Variants in TRIP11 observed in about 807,000 individuals in gnomAD.
TRIP11 encodes thyroid receptor-interacting protein 11.
TRIP11 carries 148 observed loss-of-function variants against 223.1 expected under a neutral mutation model. The ratio of observed to expected loss-of-function variants is 0.66; its 90% CI spans 0.58 to 0.76. The LOEUF is 0.76. TRIP11 is among the 30% of genes least tolerant of loss of function. The pLI, the probability that TRIP11 is intolerant of heterozygous loss-of-function variation, is 0.00. For synonymous variants in TRIP11, 762 were observed against 772.6 expected (o/e 0.99, Z 0.23); for missense variants, 2,043 against 2,222.0 (o/e 0.92, Z 1.62).
At position 92,003,487 on chromosome 14, in the gene TRIP11, C is replaced by T; in HGVS notation, c.4489G>A (p.Glu1497Lys). ...MKFSMMLREK[E>K]FECHSMKEKA... ...TCCTTCATTGAGTGGCACTCAAACT[C>T]TTTTTCTCGCAGCATCATAGAAAAC... Residue 1497 changes from glutamate to lysine, a missense_variant, in exon 11 of 21, where the codon GAG (glutamate) becomes AAG (lysine). By Grantham distance (56) the Glu-to-Lys change is moderately conservative (BLOSUM62 1). Coordinates refer to ENST00000267622, the MANE Select transcript of TRIP11 (RefSeq NM_004239.4). 6.2e-7 allele frequency: 1 copy of T among 1,614,132 alleles called. No homozygotes were observed. The highest frequency in any genetic ancestry group is 8.5e-7 in the Non-Finnish European group (1 of 1,180,018).
chr14:92,028,494 A>AG (rs2057218228), intron 2 of TRIP11, among the ~76,000 whole-genome samples: 1 of 152,174 alleles, frequency 6.6e-6, no homozygotes, highest in Admixed American at 6.5e-5. Flanking sequence ...TCAAGGCTGC[A>AG]GGGGAGCCAT....
chr14:91,971,526 GA>G (rs1042455160), intron 20 of TRIP11, among the ~76,000 whole-genome samples: 1 of 150,552 alleles, frequency 6.6e-6, no homozygotes, highest in African/African-American at 2.5e-5. Context: ...GAAAGAGGAA[GA>G]AAAGTGAGAG....
chr14:92,029,493 A>C (rs1166551374), intron 2 of TRIP11, among the ~76,000 whole-genome samples: 3 of 151,674 alleles, frequency 2.0e-5, no homozygotes, highest in Non-Finnish European at 4.4e-5. Context: ...ATGGGGTTTC[A>C]CCATGTCGGT....
chr14:92,012,925 A>G (rs1006838774), intron 7 of TRIP11, among the ~76,000 whole-genome samples: 1 of 152,224 alleles, frequency 6.6e-6, no homozygotes, highest in Non-Finnish European at 1.5e-5. Context: ...TTCTGGCTGC[A>G]GAATGAAAAA....
chr14:91,999,813 C>A (rs1281734420), intron 12 of TRIP11, among the ~76,000 whole-genome samples, 155 bp downstream of exon 12: 1 of 151,996 alleles, frequency 6.6e-6, no homozygotes, highest in Non-Finnish European at 1.5e-5. Flanking sequence ...ATAAAATGCA[C>A]CATGGGAGAT....
rs1390425436 is a variant in TRIP11, at chr14:91,969,396, T to A, written c.*277A>T. ...CCATATAGCTACTAGTATTTTTGTC[T>A]GTCTGTATTTTTGTAAATTAAGGTA... On this transcript the variant is annotated 3_prime_UTR_variant, in exon 21 of 21. Coordinates refer to ENST00000267622, the MANE Select transcript of TRIP11 (RefSeq NM_004239.4). 2 of 437,100 alleles carry A rather than the reference T, an allele frequency of 4.6e-6. No homozygotes were observed. Among genetic ancestry groups the A allele is most frequent in the East Asian group, 7.5e-5 (2 of 26,514 alleles). The allele number at this position is 437,100 out of a possible 1,614,324, so 27.1% of individuals were successfully genotyped here. A position where few individuals can be genotyped will look rare whatever the true frequency, so the allele number is the denominator to read the frequency against.
intron 9 of TRIP11, among the ~76,000 whole-genome samples, chr14:92,008,687 T>C (rs2056935501): frequency 6.6e-6 from 1 of 152,136 alleles, no homozygotes; most frequent in Non-Finnish European, 1.5e-5. Context: ...ATCAAACCCA[T>C]ATGGAATCTA....
intron 2 of TRIP11, among the ~76,000 whole-genome samples, chr14:92,029,280 A>ATTATTTTTTTT (rs2057230210): frequency 1.0e-4 from 8 of 76,798 alleles, no homozygotes; most frequent in African/African-American, 4.6e-4. Flanking sequence ...CCAAAGTATT[A>ATTATTTTTTTT]TTTTTTTTTT....
intron 15 of TRIP11, among the ~76,000 whole-genome samples, chr14:91,989,662 A>G (rs1046414799): frequency 3.3e-5 from 5 of 151,904 alleles, no homozygotes; most frequent in Non-Finnish European, 7.4e-5. Context: ...CATCCTGGAT[A>G]GGTCACAGTC....
chr14:92,006,962 C>G (rs920965164), intron 10 of TRIP11, among the ~76,000 whole-genome samples: 2 of 152,082 alleles, frequency 1.3e-5, no homozygotes, highest in African/African-American at 2.4e-5. Context: ...GCCACTGTGC[C>G]TGGCCCCATC....
In TRIP11 at chr14:92,005,781, A is replaced by G; in HGVS notation, c.2195T>C (p.Leu732Pro). 4 of 1,614,064 alleles carry G rather than the reference A, an allele frequency of 2.5e-6. No homozygotes were observed. Among genetic ancestry groups the G allele is most frequent in the Non-Finnish European group, 2.5e-6 (3 of 1,180,010 alleles). Reference protein sequence around the residue: ...EAELCWAKKRLLEEANKYEKT... With the variant: ...EAELCWAKKRPLEEANKYEKT... Reference sequence around the variant, plus strand: ...CTCATACTTGTTTGCTTCTTCCAACAGCCTCTTTTTAGCCCAACACAATTC... The same window carrying G: ...CTCATACTTGTTTGCTTCTTCCAACGGCCTCTTTTTAGCCCAACACAATTC... The change falls in exon 11 of 21, where the codon CTG becomes CCG. Residue 732 changes from leucine (L) to proline (P), a missense_variant. Transcript: ENST00000267622.
intron 20 of TRIP11, among the ~76,000 whole-genome samples, chr14:91,970,489 T>TA (rs2056388537): frequency 1.3e-5 from 2 of 152,144 alleles, no homozygotes; most frequent in East Asian, 3.8e-4. Context: ...AATACTAATT[T>TA]GTATGGCTAA....
intron 4 of TRIP11, among the ~76,000 whole-genome samples, chr14:92,018,837 C>T (rs539672894): frequency 1.1e-3 from 163 of 150,992 alleles, no homozygotes; most frequent in African/African-American, 3.7e-3. Flanking sequence ...GGCGGGTGCC[C>T]GTAGTCCCAG....
intron 11 of TRIP11, among the ~76,000 whole-genome samples, chr14:92,002,465 T>C (rs1020439458): frequency 2.6e-5 from 4 of 152,178 alleles, no homozygotes; most frequent in African/African-American, 9.7e-5. Context: ...AGGTTGTGAC[T>C]AATCAATACA....
intron 11 of TRIP11, among the ~76,000 whole-genome samples, chr14:92,001,750 C>A (rs1225085239): frequency 6.6e-6 from 1 of 152,170 alleles, no homozygotes; most frequent in Non-Finnish European, 1.5e-5. Flanking sequence ...GTACTTTATT[C>A]CTCTGTTCTA....
chr14:91,970,029 T>C (rs147575726), intron 20 of TRIP11, 136 bp from the exon 21 acceptor site: 170 of 931,782 alleles, frequency 1.8e-4, no homozygotes, highest in Admixed American at 3.1e-4. Context: ...AAATAATCAA[T>C]GTATCACTTA....
rs531466763 is a variant in TRIP11, at chr14:92,021,230, T to C, written c.588+326A>G. Among the ~76,000 whole-genome samples the C allele has an allele frequency of 9.2e-5, 14 of 151,710 alleles. No homozygotes were observed. The East Asian group carries it at 2.5e-3, about 27-fold the overall frequency. On this transcript the variant is annotated intron_variant, in intron 4 of 20. Coordinates refer to ENST00000267622, the MANE Select transcript of TRIP11 (RefSeq NM_004239.4). The stretch of plus-strand genomic sequence containing the variant: ...CAAAATGGTGAAACCCCATCTCTAC[T>C]AAAGATACAAAAACTAGGCATAGTG...
intron 20 of TRIP11, among the ~76,000 whole-genome samples, chr14:91,971,594 AGGGAAAG>A (rs2056401188): frequency 6.6e-6 from 1 of 151,866 alleles, no homozygotes; most frequent in Admixed American, 6.6e-5. Flanking sequence ...AGGGAAGAAA[AGGGAAAG>A]GAAGGGTGGG....
At chr14:92,003,347 T>C in intron 11 of TRIP11, 72 bp downstream of exon 11, 1 of 1,570,738 alleles carries the variant, frequency 6.4e-7, no homozygotes, top group Non-Finnish European at 8.7e-7. Context: ...AAAGACAATA[T>C]AAATGAAATA....
Sources: allele counts gnomAD v4.1 joint callset (sites outside exome capture counted in the v4.1 genomes callset), GRCh38; gene constraint gnomAD v4.1.1; transcripts MANE v1.5; gene names NCBI Gene and HGNC (gene_info 2026-07-23, HGNC 2026-07-21).